ZMYM1: variants seen among roughly 807,000 people sequenced by gnomAD.
The protein encoded by ZMYM1 is zinc finger MYM-type containing 1.
ZMYM1 carries 39 observed loss-of-function variants against 60.0 expected under a neutral mutation model. The observed-to-expected ratio is 0.65, with a 90% CI of 0.50 to 0.85. The LOEUF (loss-of-function observed/expected upper bound fraction) is 0.85, where lower values mean the gene tolerates loss of function less well. Among genes scored for constraint, ZMYM1 ranks in the 40% least tolerant of loss-of-function variants. The pLI, the probability that ZMYM1 is intolerant of heterozygous loss-of-function variation, is 0.00. For missense variants in ZMYM1, 1,171 were observed against 1,309.5 expected, an observed-to-expected ratio of 0.89 and a Z score of 1.63; for synonymous variants, 413 against 454.0, an observed-to-expected ratio of 0.91 and a Z score of 1.15.
intron 1 of ZMYM1, among the ~76,000 whole-genome samples, chr1:35,067,427 A>C (rs1641990321): frequency 6.6e-6 from 1 of 152,042 alleles, no homozygotes; most frequent in Non-Finnish European, 1.5e-5. Context: ...AGCTGGGACT[A>C]CAGGCATGCA....
chr1:35,091,887 CAAAAAA>C (rs779081046), intron 1 of ZMYM1, among the ~76,000 whole-genome samples: 111 of 84,524 alleles, frequency 1.3e-3, no homozygotes, highest in East Asian at 2.1e-3. Flanking sequence ...GATCTTGTCT[CAAAAAA>C]AAAAAAAAAA....
chr1:35,087,267 C>T (rs1274055222), intron 1 of ZMYM1, among the ~76,000 whole-genome samples: 1 of 151,948 alleles, frequency 6.6e-6, no homozygotes, highest in African/African-American at 2.4e-5. Context: ...GCTGGGATTA[C>T]AGAGGTGAGC....
chr1:35,061,591 A>G (rs1297951035), intron 1 of ZMYM1, among the ~76,000 whole-genome samples: 2 of 151,772 alleles, frequency 1.3e-5, no homozygotes, highest in Admixed American at 6.6e-5. Context: ...CCTGGCTAAC[A>G]TGGTGAAACC....
intron 1 of ZMYM1, among the ~76,000 whole-genome samples, chr1:35,061,761 GC>G (rs1319753999): frequency 6.6e-6 from 1 of 151,270 alleles, no homozygotes; most frequent in Non-Finnish European, 1.5e-5. Flanking sequence ...GGGTGACAGA[GC>G]AAGACTCCGT....
upstream of ZMYM1, among the ~76,000 whole-genome samples, chr1:35,078,537 A>ATTTTTTTTTTTTTTT (rs751468260): frequency 8.8e-4 from 72 of 82,220 alleles, 3 homozygotes; most frequent in East Asian, 3.6e-3. Flanking sequence ...GGTTATTTTA[A>ATTTTTTTTTTTTTTT]TTTTTTTTTT....
chr1:35,093,627 T>C (rs1325711161), intron 1 of ZMYM1, among the ~76,000 whole-genome samples: 2 of 152,170 alleles, frequency 1.3e-5, no homozygotes, highest in Non-Finnish European at 2.9e-5. Context: ...TATTGAAAAG[T>C]TAAAAATAAA....
chr1:35,082,595 T>C (rs1181571142), intron 1 of ZMYM1, among the ~76,000 whole-genome samples: 2 of 151,406 alleles, frequency 1.3e-5, no homozygotes, highest in African/African-American at 2.4e-5. Flanking sequence ...CCTCCTAAAG[T>C]GTTGGGATTA....
chr1:35,116,403 A>G (rs1383551492), downstream of ZMYM1, among the ~76,000 whole-genome samples: 1 of 152,222 alleles, frequency 6.6e-6, no homozygotes. Context: ...TTATGAAAAT[A>G]TAACTATATT....
chr1:35,101,771 G>A (rs915753512), intron 4 of ZMYM1, among the ~76,000 whole-genome samples: 1 of 150,958 alleles, frequency 6.6e-6, no homozygotes, highest in Non-Finnish European at 1.5e-5. Flanking sequence ...GGCTAGTCTC[G>A]AACTCCTGAC....
intron 6 of ZMYM1, among the ~76,000 whole-genome samples, chr1:35,105,519 C>T (rs1294284823): frequency 6.6e-6 from 1 of 151,738 alleles, no homozygotes; most frequent in Non-Finnish European, 1.5e-5. Flanking sequence ...CTGCAACCTC[C>T]GCCTCCCAGG....
intron 1 of ZMYM1, among the ~76,000 whole-genome samples, chr1:35,081,350 C>T (rs1013310657): frequency 3.9e-5 from 6 of 152,036 alleles, no homozygotes; most frequent in Non-Finnish European, 2.9e-5. Flanking sequence ...TCTTAATTTA[C>T]TGTAGCTTTA....
downstream of ZMYM1, among the ~76,000 whole-genome samples, chr1:35,118,491 C>T (rs1228799711): frequency 6.6e-6 from 1 of 151,710 alleles, no homozygotes; most frequent in Non-Finnish European, 1.5e-5. Flanking sequence ...TTTGGGAGGC[C>T]GAGGTGGGCG....
rs76030594 is a variant in ZMYM1 at position 35,088,446 on chromosome 1, A to G, written c.-74-5468A>G. Among the ~76,000 whole-genome samples the G allele has an allele frequency of 2.7e-4, 31 of 116,294 alleles. 1 individual carries two copies. The highest frequency in any genetic ancestry group is 1.0e-3 in the African/African-American group (30 of 28,700). 76.3% of individuals were successfully genotyped at this position (116,294 alleles called of 152,430 possible). On this transcript the variant is annotated intron_variant, in intron 1 of 9. Transcript: ENST00000359858. The stretch of plus-strand genomic sequence containing the variant: ...AATGTGTTTATGTGTATATATATAT[A>G]TATATATATGTGTGTGTGTGTGTGT...
At chr1:35,105,464 C>T (rs535775653) in intron 6 of ZMYM1, among the ~76,000 whole-genome samples, 10 of 147,798 alleles carry the variant, frequency 6.8e-5, no homozygotes, top group Non-Finnish European at 1.2e-4. Flanking sequence ...GACGGAGTCT[C>T]GCTGTCTTGC....
intron 4 of ZMYM1, among the ~76,000 whole-genome samples, chr1:35,103,463 G>A (rs1366619784): frequency 6.6e-6 from 1 of 152,138 alleles, no homozygotes; most frequent in African/African-American, 2.4e-5. Flanking sequence ...TGTCCATGTT[G>A]TAACATGTAT....
chr1:35,078,537 A>ATTTTTTTTTTTTTTTTTTTTTT (rs751468260), upstream of ZMYM1, among the ~76,000 whole-genome samples: 1 of 82,220 alleles, frequency 1.2e-5, no homozygotes, highest in African/African-American at 5.1e-5. Flanking sequence ...GGTTATTTTA[A>ATTTTTTTTTTTTTTTTTTTTTT]TTTTTTTTTT....
At chr1:35,082,925 G>GT (rs1557641327) in intron 1 of ZMYM1, among the ~76,000 whole-genome samples, 1 of 152,012 alleles carries the variant, frequency 6.6e-6, no homozygotes, top group African/African-American at 2.4e-5. Flanking sequence ...AGGTTGCAGT[G>GT]ACCTGAGATT....
At position 35,113,953 on chromosome 1, in the gene ZMYM1, T is replaced by C. The variant is rs1333881879; in HGVS notation, c.2123T>C (p.Met708Thr). The C allele has an allele frequency of 1.2e-6, 2 of 1,613,784 alleles. No homozygotes were observed. The highest frequency in any genetic ancestry group is 2.7e-5 in the African/African-American group (2 of 74,902). Residue 708 changes from methionine (M) to threonine (T), a missense_variant, in exon 10 of 10, where the codon ATG becomes ACG. Transcript: ENST00000359858. ...KTYLQQIGVDMDKIHGQAYDS... is the reference protein window; with the variant it reads ...KTYLQQIGVDTDKIHGQAYDS... ...TATCTGCAGCAAATTGGAGTTGATA[T>C]GGATAAAATACATGGCCAGGCCTAT...
chr1:35,083,466 A>C (rs1393106292), intron 1 of ZMYM1, among the ~76,000 whole-genome samples: 1 of 151,506 alleles, frequency 6.6e-6, no homozygotes, highest in Non-Finnish European at 1.5e-5. Flanking sequence ...TGCTTTTAAG[A>C]TTTTCTTTTT....
Sources: gnomAD v4.1 joint callset for allele counts (sites outside exome capture counted in the v4.1 genomes callset) on GRCh38, gnomAD v4.1.1 for gene constraint, MANE v1.5 for transcripts, NCBI Gene and HGNC (gene_info 2026-07-23, HGNC 2026-07-21) for gene names.